The following RALGPS1 variants were observed in gnomAD, a reference collection of about 807,000 sequenced individuals.
RALGPS1 encodes the protein ras-specific guanine nucleotide-releasing factor RalGPS1.
Under a neutral mutation model 78.8 loss-of-function variants are expected in RALGPS1, and 19 were observed. The ratio of observed to expected loss-of-function variants is 0.24; its 90% CI spans 0.17 to 0.35. The LOEUF is 0.35. Ranked by LOEUF, RALGPS1 falls within the 10% of genes least tolerant of loss-of-function variation. RALGPS1 has a pLI of 1.00. For missense variants in RALGPS1, 454 were observed against 688.3 expected (o/e 0.66, Z 3.81); for synonymous variants, 228 against 256.3 (o/e 0.89, Z 1.06).
intron 17 of RALGPS1, 76 bp downstream of exon 17, chr9:127,213,125 A>G (rs1255494441): frequency 1.3e-6 from 2 of 1,586,858 alleles, no homozygotes; most frequent in Non-Finnish European, 1.7e-6. Context: ...GCATTTTGAA[A>G]TTATTAGGAG....
intron 1 of RALGPS1, among the ~76,000 whole-genome samples, chr9:126,955,024 G>A (rs2038211337): frequency 6.6e-6 from 1 of 152,196 alleles, no homozygotes; most frequent in South Asian, 2.1e-4. Flanking sequence ...CCTCTGCAAA[G>A]AATACTCATA....
At chr9:127,214,502 A>T (rs1470644077) in intron 17 of RALGPS1, among the ~76,000 whole-genome samples, 2 of 152,198 alleles carry the variant, frequency 1.3e-5, no homozygotes, top group African/African-American at 4.8e-5. Flanking sequence ...ATTTGGAAAC[A>T]TTATTCTGAG....
At position 127,183,991 on chromosome 9, in the gene RALGPS1, A is replaced by G. The variant is rs2060464453; in HGVS notation, c.910+9209A>G. ...CACGAGTACCAGCGGCTCCCCCAGC[A>G]TCTGCTGCTCCGCGCTCCCCGTGGC... is the stretch of plus-strand genomic sequence containing the variant. On this transcript the variant is annotated intron_variant, in intron 11 of 18. Coordinates refer to ENST00000259351, the MANE Select transcript of RALGPS1 (RefSeq NM_014636.3). This position sits in a 1 kb window ranked among gnomAD's most constrained non-coding sequence, Gnocchi z 4.0. The G allele has an allele frequency of 6.5e-7, 1 of 1,550,112 alleles. No individual in the cohort carries two copies. The highest frequency in any genetic ancestry group is 1.4e-5 in the African/African-American group (1 of 72,982).
chr9:127,131,800 A>G (rs1233136523), intron 8 of RALGPS1, among the ~76,000 whole-genome samples: 1 of 152,156 alleles, frequency 6.6e-6, no homozygotes, highest in Non-Finnish European at 1.5e-5. Flanking sequence ...TGAGATATGC[A>G]TAGCAGGCAC....
chr9:127,041,031 T>TGTGTGTGTGTG, intron 5 of RALGPS1, among the ~76,000 whole-genome samples: 1 of 135,826 alleles, frequency 7.4e-6, no homozygotes, highest in East Asian at 2.2e-4. Flanking sequence ...CTACAAACAT[T>TGTGTGTGTGTG]TGTGTGTGTG....
chr9:127,015,222 G>A (rs1279927760), intron 4 of RALGPS1, among the ~76,000 whole-genome samples: 1 of 152,192 alleles, frequency 6.6e-6, no homozygotes, highest in African/African-American at 2.4e-5. Flanking sequence ...GGGCTTTGGA[G>A]TGCAGACCTG....
At chr9:126,994,846 A>G (rs560853809) in intron 4 of RALGPS1, among the ~76,000 whole-genome samples, 7 of 152,290 alleles carry the variant, frequency 4.6e-5, no homozygotes, top group East Asian at 3.9e-4. Context: ...CAGAAACTCT[A>G]CAAGCCAGAA....
At chr9:127,005,919 G>C (rs2043798709) in intron 4 of RALGPS1, among the ~76,000 whole-genome samples, 1 of 152,236 alleles carries the variant, frequency 6.6e-6, no homozygotes, top group Admixed American at 6.5e-5. Context: ...TGTTTGTGCA[G>C]CTTGGGAGTG....
At chr9:127,036,193 C>G (rs1259950962) in intron 5 of RALGPS1, among the ~76,000 whole-genome samples, 2 of 152,248 alleles carry the variant, frequency 1.3e-5, no homozygotes, top group Non-Finnish European at 2.9e-5. Flanking sequence ...GGGAAATGGT[C>G]TTCCTGCTGG....
At chr9:127,110,116 A>G (rs1400341791) in intron 8 of RALGPS1, among the ~76,000 whole-genome samples, 1 of 152,084 alleles carries the variant, frequency 6.6e-6, no homozygotes, top group Non-Finnish European at 1.5e-5. Flanking sequence ...AAAGCCTCCA[A>G]AGAGATGCCT....
intron 1 of RALGPS1, among the ~76,000 whole-genome samples, chr9:126,929,178 A>G (rs1286464307): frequency 6.6e-6 from 1 of 152,238 alleles, no homozygotes; most frequent in Non-Finnish European, 1.5e-5. Context: ...GAACAACATC[A>G]ACAGTAACAA....
chr9:127,177,951 C>G, intron 11 of RALGPS1: 1 of 1,548,134 alleles, frequency 6.5e-7, no homozygotes, highest in Admixed American at 2.0e-5. Flanking sequence ...AGAGCCCTGG[C>G]AGGGGACAGA....
intron 4 of RALGPS1, among the ~76,000 whole-genome samples, chr9:127,007,989 T>C (rs1231946275): frequency 3.3e-5 from 5 of 152,114 alleles, no homozygotes; most frequent in Non-Finnish European, 5.9e-5. Flanking sequence ...GTGAGGATAA[T>C]GCAGTGGACA....
At chr9:127,032,746 T>G (rs2046533463) in intron 4 of RALGPS1, among the ~76,000 whole-genome samples, 1 of 152,054 alleles carries the variant, frequency 6.6e-6, no homozygotes, top group South Asian at 2.1e-4. Context: ...TCCCAGCCCT[T>G]TTGGAGGCCG....
intron 4 of RALGPS1, among the ~76,000 whole-genome samples, chr9:127,019,186 A>AG (rs2045199226): frequency 6.6e-6 from 1 of 152,220 alleles, no homozygotes; most frequent in African/African-American, 2.4e-5. Context: ...GTACCATCTC[A>AG]GGAGAGTTAA....
At chr9:126,955,367 C>T (rs994873650) in intron 1 of RALGPS1, among the ~76,000 whole-genome samples, 2 of 152,166 alleles carry the variant, frequency 1.3e-5, no homozygotes, top group Non-Finnish European at 2.9e-5. Flanking sequence ...GCATTTCTCT[C>T]ATTTATTAAT....
chr9:126,987,477 T>C (rs191448940), intron 4 of RALGPS1, among the ~76,000 whole-genome samples: 19 of 152,186 alleles, frequency 1.2e-4, no homozygotes, highest in Non-Finnish European at 2.8e-4. Flanking sequence ...GAACCTGCTC[T>C]TCCCTCAGTT....
intron 4 of RALGPS1, among the ~76,000 whole-genome samples, chr9:127,032,563 G>A (rs865777918): frequency 2.0e-5 from 3 of 152,288 alleles, no homozygotes; most frequent in Middle Eastern, 3.4e-3. Flanking sequence ...GATTCACTGG[G>A]GAGAGAGGCC....
At chr9:127,019,114 G>C (rs962030199) in intron 4 of RALGPS1, among the ~76,000 whole-genome samples, 3 of 151,996 alleles carry the variant, frequency 2.0e-5, no homozygotes, top group Non-Finnish European at 4.4e-5. Flanking sequence ...TAGGCCTTTC[G>C]CAACCAGGAT....
Sources: gnomAD v4.1 joint callset for allele counts (sites outside exome capture counted in the v4.1 genomes callset) on GRCh38, gnomAD v4.1.1 for gene constraint, Gnocchi (gnomAD v3.1) non-coding constraint, MANE v1.5 for transcripts, NCBI Gene and HGNC (gene_info 2026-07-23, HGNC 2026-07-21) for gene names.